DOCK3: variants seen among roughly 807,000 people sequenced by gnomAD.
DOCK3 encodes the protein dedicator of cytokinesis 3.
In DOCK3, 60 loss-of-function variants were observed where a neutral mutation model predicts 265.6. The observed-to-expected ratio is 0.23, with a 90% CI of 0.18 to 0.28. The LOEUF (loss-of-function observed/expected upper bound fraction) is 0.28, where lower values mean the gene tolerates loss of function less well. Among genes scored for constraint, DOCK3 ranks in the 10% least tolerant of loss-of-function variants. The pLI, the probability that DOCK3 is intolerant of heterozygous loss-of-function variation, is 1.00. For missense variants in DOCK3, 1,981 were observed against 2,594.3 expected (o/e 0.76, Z 5.14); for synonymous variants, 881 against 938.0 (o/e 0.94, Z 1.11).
At chr3:51,186,691 C>A (rs536505005) in intron 12 of DOCK3, among the ~76,000 whole-genome samples, 10 of 152,160 alleles carry the variant, frequency 6.6e-5, no homozygotes, top group Non-Finnish European at 1.5e-4. Flanking sequence ...GGGCACCTAG[C>A]CTTGGTGCCC....
chr3:50,894,047 T>G (rs1210254640), intron 4 of DOCK3, among the ~76,000 whole-genome samples: 3 of 150,694 alleles, frequency 2.0e-5, no homozygotes, highest in Admixed American at 2.0e-4. Flanking sequence ...AGTTAATGGG[T>G]GCAGCACACC....
chr3:50,960,078 T>G (rs1310292985), intron 5 of DOCK3, among the ~76,000 whole-genome samples: 1 of 152,254 alleles, frequency 6.6e-6, no homozygotes, highest in Non-Finnish European at 1.5e-5. Context: ...TGCTGAATTG[T>G]ATTCCATTCT....
chr3:50,803,700 C>A (rs2108693433), intron 2 of DOCK3, among the ~76,000 whole-genome samples: 1 of 151,102 alleles, frequency 6.6e-6, no homozygotes, highest in Admixed American at 6.6e-5. Flanking sequence ...CAGGCGGGGG[C>A]TGCCCCCCAC....
chr3:51,338,285 G>A (rs944316363), intron 35 of DOCK3, 74 bp from the exon 36 acceptor site: 1 of 1,510,426 alleles, frequency 6.6e-7, no homozygotes, highest in Non-Finnish European at 9.0e-7. Flanking sequence ...TAATGCCCCA[G>A]TGATAGTACA....
intron 5 of DOCK3, among the ~76,000 whole-genome samples, chr3:51,004,745 G>T: frequency 2.4e-5 from 3 of 123,558 alleles, no homozygotes; most frequent in Non-Finnish European, 1.6e-5. Flanking sequence ...ACAAACTCCT[G>T]CATCATTTCT....
intron 5 of DOCK3, among the ~76,000 whole-genome samples, chr3:50,950,946 A>AGAACG (rs2076574053): frequency 6.6e-6 from 1 of 151,546 alleles, no homozygotes. Flanking sequence ...AATCTCCAAA[A>AGAACG]GAACGGAGGG....
chr3:50,940,557 T>C (rs1055314302), intron 5 of DOCK3, among the ~76,000 whole-genome samples: 4 of 152,150 alleles, frequency 2.6e-5, no homozygotes, highest in African/African-American at 9.7e-5. Flanking sequence ...CTAAAATTTA[T>C]AGGGAAAGTT....
At chr3:50,708,129 T>C (rs1018791468) in intron 1 of DOCK3, among the ~76,000 whole-genome samples, 4 of 152,188 alleles carry the variant, frequency 2.6e-5, no homozygotes, top group Middle Eastern at 6.8e-3. Context: ...GCCCTGCTAA[T>C]GGTGCATGCA....
At chr3:50,685,288 T>C (rs2034705626) in intron 1 of DOCK3, among the ~76,000 whole-genome samples, 2 of 152,226 alleles carry the variant, frequency 1.3e-5, no homozygotes, top group South Asian at 2.1e-4. Context: ...GTTTTCTGCA[T>C]TTTTGTTATA....
At chr3:50,950,724 C>T (rs1229832231) in intron 5 of DOCK3, among the ~76,000 whole-genome samples, 1 of 152,060 alleles carries the variant, frequency 6.6e-6, no homozygotes, top group Non-Finnish European at 1.5e-5. Flanking sequence ...GACCTGGCCT[C>T]CTGACCCACT....
intron 5 of DOCK3, among the ~76,000 whole-genome samples, chr3:51,018,903 G>C: frequency 6.6e-6 from 1 of 151,784 alleles, no homozygotes; most frequent in East Asian, 1.9e-4. Context: ...TCTTGGATAG[G>C]AATCTTTTAT....
Position 50,811,396 on chromosome 3 carries a change from C to G in DOCK3, c.122-30279C>G, listed in dbSNP as rs558780339. On this transcript the variant is annotated intron_variant, in intron 2 of 52. Coordinates refer to ENST00000266037, the MANE Select transcript of DOCK3 (RefSeq NM_004947.5). ...TCCAGCCTGTGTGACAGAATGAGAA[C>G]CTGTTAGGAAGGAAAGAAGGAAGGG... Among the ~76,000 whole-genome samples, 14 of 149,990 alleles carry G rather than the reference C, an allele frequency of 9.3e-5. 1 individual carries two copies. In the East Asian group the frequency reaches 2.7e-3, roughly 29 times the overall value.
intron 9 of DOCK3, among the ~76,000 whole-genome samples, chr3:51,106,413 A>G (rs58548979): frequency 0.056 from 8,593 of 152,182 alleles, 848 homozygotes; most frequent in African/African-American, 0.19. Flanking sequence ...TCCCCATGCC[A>G]CTTTGCCTGC....
At chr3:51,334,465 A>T (rs1013959359) in intron 35 of DOCK3, among the ~76,000 whole-genome samples, 2 of 152,228 alleles carry the variant, frequency 1.3e-5, no homozygotes, top group African/African-American at 4.8e-5. Flanking sequence ...AGATGCTGCT[A>T]TGCAAAAGAT....
At chr3:51,187,752 T>A (rs2087700395) in intron 12 of DOCK3, among the ~76,000 whole-genome samples, 1 of 103,470 alleles carries the variant, frequency 9.7e-6, no homozygotes, top group Non-Finnish European at 1.8e-5. Flanking sequence ...CTGCACAAGC[T>A]TTTTTTTTTT....
At chr3:50,726,184 A>G (rs553541015) in intron 1 of DOCK3, among the ~76,000 whole-genome samples, 1 of 152,152 alleles carries the variant, frequency 6.6e-6, no homozygotes, top group Non-Finnish European at 1.5e-5. Context: ...TATGTTCAGT[A>G]CAGATGCAAT....
chr3:51,266,041 A>G (rs1462391143), intron 23 of DOCK3, among the ~76,000 whole-genome samples: 5 of 152,178 alleles, frequency 3.3e-5, no homozygotes, highest in Non-Finnish European at 5.9e-5. Flanking sequence ...ATAATAGACA[A>G]ACAGAGAGCC....
At chr3:51,176,342 C>T (rs1004248717) in intron 12 of DOCK3, among the ~76,000 whole-genome samples, 11 of 152,052 alleles carry the variant, frequency 7.2e-5, no homozygotes, top group South Asian at 2.1e-4. Context: ...GCTGGCCAGG[C>T]GTGGTGGCTC....
intron 2 of DOCK3, among the ~76,000 whole-genome samples, chr3:50,838,503 A>G (rs2045642878): frequency 6.6e-6 from 1 of 152,228 alleles, no homozygotes; most frequent in African/African-American, 2.4e-5. Context: ...AGTTAAATGC[A>G]TATGATGACA....
Sources: gnomAD v4.1 joint callset for allele counts (sites outside exome capture counted in the v4.1 genomes callset) on GRCh38, gnomAD v4.1.1 for gene constraint, MANE v1.5 for transcripts, NCBI Gene and HGNC (gene_info 2026-07-23, HGNC 2026-07-21) for gene names.